The following GLMN variants were observed in gnomAD, a reference collection of about 807,000 sequenced individuals.
GLMN encodes glomulin.
A neutral mutation model predicts 87.8 loss-of-function variants in GLMN; 75 were observed. That is an observed-to-expected ratio of 0.85 (90% CI 0.71 to 1.04). The LOEUF (loss-of-function observed/expected upper bound fraction) is 1.04, where lower values mean the gene tolerates loss of function less well. Among genes scored for constraint, GLMN ranks in the 50% least tolerant of loss-of-function variants. The pLI is 0.00. For missense variants in GLMN, 588 were observed against 658.8 expected (o/e 0.89, Z 1.18); for synonymous variants, 206 against 221.6 (o/e 0.93, Z 0.63).
At chr1:92,351,663 G>A in the GLMN span, among the ~76,000 whole-genome samples, 3 of 152,208 alleles carry the variant, frequency 2.0e-5, no homozygotes, top group East Asian at 5.8e-4. Context: ...TGCTGATGGT[G>A]ACCTAAAACT....
At chr1:92,329,086 T>A in the GLMN span, among the ~76,000 whole-genome samples, 1 of 152,192 alleles carries the variant, frequency 6.6e-6, no homozygotes. Context: ...GTATTTTTTT[T>A]AAGTGCGCTG....
At chr1:92,259,247 T>A (rs970945294) in intron 16 of GLMN, among the ~76,000 whole-genome samples, 4 of 152,164 alleles carry the variant, frequency 2.6e-5, no homozygotes, top group African/African-American at 9.7e-5. Context: ...AACTAATAAT[T>A]ATTTAAAGAT....
upstream of GLMN, among the ~76,000 whole-genome samples, chr1:92,301,281 C>T (rs553723227): frequency 3.8e-4 from 58 of 151,958 alleles, no homozygotes; most frequent in African/African-American, 1.2e-3. Flanking sequence ...GCCAGGAGCT[C>T]GAGACCAGTT....
chr1:92,275,740 ATACCTC>A (rs1647233234), intron 7 of GLMN, among the ~76,000 whole-genome samples: 1 of 152,194 alleles, frequency 6.6e-6, no homozygotes, highest in Non-Finnish European at 1.5e-5. Context: ...GCTTTTCAGC[ATACCTC>A]TATGCATTTA....
At position 92,267,974 on chromosome 1, in the gene GLMN, A is replaced by G. The variant is rs1655838735; in HGVS notation, c.1037T>C (p.Ile346Thr). The G allele has an allele frequency of 1.3e-6, 2 of 1,569,766 alleles. No individual in the cohort carries two copies. Among genetic ancestry groups the G allele is most frequent in the Non-Finnish European group, 1.8e-6 (2 of 1,139,736 alleles). Reference protein sequence around the residue: ...LELLENSLLRIEDNSLLYQYL... With the variant: ...LELLENSLLRTEDNSLLYQYL... ...CTGGTAAAGTAGACTATTGTCTTCT[A>G]TTCTCAATAAACTATTCTCCAGCAG... The change falls in exon 11 of 19, where the codon ATA becomes ACA. Residue 346 changes from isoleucine (I) to threonine (T), a missense_variant. Ile to Thr is a moderately conservative substitution (Grantham distance 89, BLOSUM62 -1). Transcript: ENST00000370360.
chr1:92,351,751 G>A, the GLMN span, among the ~76,000 whole-genome samples: 6 of 152,318 alleles, frequency 3.9e-5, no homozygotes, highest in East Asian at 9.6e-4. Context: ...GAAGCAGCTT[G>A]ACTGGCCCGA....
intron 16 of GLMN, among the ~76,000 whole-genome samples, chr1:92,251,079 T>A (rs1015144950): frequency 1.3e-5 from 2 of 152,130 alleles, no homozygotes; most frequent in African/African-American, 4.8e-5. Context: ...AAACTCTTTG[T>A]GGCAGAAATT....
chr1:92,285,819 T>A (rs947756932), intron 7 of GLMN, among the ~76,000 whole-genome samples: 5 of 152,186 alleles, frequency 3.3e-5, no homozygotes, highest in African/African-American at 1.2e-4. Flanking sequence ...CAACTTAAAA[T>A]AAATTTTTTA....
the GLMN span, among the ~76,000 whole-genome samples, chr1:92,362,589 T>C: frequency 4.6e-5 from 7 of 152,276 alleles, no homozygotes; most frequent in East Asian, 1.2e-3. Context: ...AGGCTTAACA[T>C]TGAAAATTCC....
chr1:92,368,340 C>T, the GLMN span, among the ~76,000 whole-genome samples: 1 of 152,168 alleles, frequency 6.6e-6, no homozygotes, highest in African/African-American at 2.4e-5. Flanking sequence ...GATCGTGCCA[C>T]TGCACTCTAG....
chr1:92,335,070 G>A, the GLMN span, among the ~76,000 whole-genome samples: 1 of 152,150 alleles, frequency 6.6e-6, no homozygotes, highest in Non-Finnish European at 1.5e-5. Context: ...GCTTGAGCAC[G>A]AGAGTTTGAG....
At chr1:92,365,638 GT>G in the GLMN span, among the ~76,000 whole-genome samples, 1 of 152,210 alleles carries the variant, frequency 6.6e-6, no homozygotes, top group East Asian at 1.9e-4. Context: ...ATCGTTAATA[GT>G]TTGAAAGGTT....
chr1:92,345,927 T>C, the GLMN span: 2 of 1,566,506 alleles, frequency 1.3e-6, no homozygotes, highest in Non-Finnish European at 1.8e-6. Flanking sequence ...AAGTACTCTC[T>C]CAGATTTTAA....
the GLMN span, chr1:92,323,496 A>G: frequency 6.2e-7 from 1 of 1,613,334 alleles, no homozygotes. Flanking sequence ...TTAAAACATC[A>G]GATATCGACA....
the GLMN span, chr1:92,363,781 T>A: frequency 6.8e-6 from 2 of 292,996 alleles, no homozygotes; most frequent in Non-Finnish European, 1.3e-5. Flanking sequence ...GTAAATATAT[T>A]TTCTCTTCTT....
chr1:92,307,714 A>G, the GLMN span, among the ~76,000 whole-genome samples: 1 of 117,616 alleles, frequency 8.5e-6, no homozygotes, highest in South Asian at 3.4e-4. Flanking sequence ...TTAAAGACAC[A>G]ATTAAAAAGT....
intron 16 of GLMN, among the ~76,000 whole-genome samples, chr1:92,249,722 C>T (rs1031744614): frequency 1.3e-5 from 2 of 152,018 alleles, no homozygotes; most frequent in East Asian, 1.9e-4. Flanking sequence ...AGCAATACAG[C>T]TTGTCTTTTA....
chr1:92,348,381 T>C, the GLMN span, among the ~76,000 whole-genome samples: 2 of 152,248 alleles, frequency 1.3e-5, no homozygotes, highest in Admixed American at 1.3e-4. Flanking sequence ...TTAAAAATCT[T>C]TGGTCACTAT....
At chr1:92,291,192 T>C (rs1649359936) in intron 4 of GLMN, among the ~76,000 whole-genome samples, 1 of 152,200 alleles carries the variant, frequency 6.6e-6, no homozygotes, top group Admixed American at 6.5e-5. Context: ...ATGGGTCCGA[T>C]ATGAGGTTAA....
Sources: gnomAD v4.1 joint callset for allele counts (sites outside exome capture counted in the v4.1 genomes callset) on GRCh38, gnomAD v4.1.1 for gene constraint, MANE v1.5 for transcripts, NCBI Gene and HGNC (gene_info 2026-07-23, HGNC 2026-07-21) for gene names.